The following PLB1 variants were observed in gnomAD, a reference collection of about 807,000 sequenced individuals.
PLB1 encodes the protein phospholipase B1, membrane-associated.
In PLB1, 242 loss-of-function variants were observed where a neutral mutation model predicts 227.4. The ratio of observed to expected loss-of-function variants is 1.06; its 90% CI spans 0.96 to 1.18. PLB1 has a LOEUF of 1.18. Ranked by LOEUF, PLB1 falls within the 50% of genes most tolerant of loss-of-function variation. The pLI, the probability that PLB1 is intolerant of heterozygous loss-of-function variation, is 0.00. For missense variants in PLB1, 1,858 were observed against 1,816.3 expected, an observed-to-expected ratio of 1.02 and a Z score of -0.42; for synonymous variants, 757 against 682.2, an observed-to-expected ratio of 1.11 and a Z score of -1.71.
At position 28,632,964 on chromosome 2, in the gene PLB1, C is replaced by G; in HGVS notation, c.4023C>G (p.Thr1341=). ...PLNERGDTDL[T]FFSEDCFHFS... The stretch of plus-strand genomic sequence containing the variant: ...TGCAGAGAGGGGACACTGACCTCAC[C>G]TTCTTCTCCGAGGACTGTTTTCACT... Residue 1341 remains threonine (T), a synonymous_variant, in exon 56 of 58, where the codon ACC becomes ACG. Transcript: ENST00000327757. The G allele has an allele frequency of 6.2e-7, 1 of 1,606,254 alleles. No homozygotes were observed. The highest frequency in any genetic ancestry group is 1.7e-5 in the Admixed American group (1 of 59,694).
At chr2:28,580,472 C>T (rs1195929957) in intron 23 of PLB1, among the ~76,000 whole-genome samples, 2 of 152,084 alleles carry the variant, frequency 1.3e-5, no homozygotes, top group Non-Finnish European at 2.9e-5. Flanking sequence ...CCCAGCACTT[C>T]GGGAGGCCGA....
intron 14 of PLB1, among the ~76,000 whole-genome samples, chr2:28,545,496 CA>C (rs1435398024): frequency 6.6e-6 from 1 of 152,166 alleles, no homozygotes; most frequent in Non-Finnish European, 1.5e-5. Context: ...GGGCACTGGA[CA>C]GGAGCCAGAA....
intron 43 of PLB1, among the ~76,000 whole-genome samples, chr2:28,608,977 G>A (rs1221700002): frequency 6.6e-6 from 1 of 152,002 alleles, no homozygotes; most frequent in Non-Finnish European, 1.5e-5. Context: ...GTGCAGTGGC[G>A]CAATCACAGC....
chr2:28,618,496 C>T (rs1686518478), intron 46 of PLB1, 97 bp downstream of exon 46: 1 of 1,306,814 alleles, frequency 7.7e-7, no homozygotes, highest in Non-Finnish European at 1.1e-6. Flanking sequence ...GCTTTCAGTG[C>T]TGAGCCCGTG....
At chr2:28,510,623 C>CTT (rs1558640256) in intron 1 of PLB1, among the ~76,000 whole-genome samples, 2 of 56,208 alleles carry the variant, frequency 3.6e-5, no homozygotes, top group African/African-American at 8.1e-5. Flanking sequence ...CTTTTTCTCT[C>CTT]TCTTTTTTTT....
intron 44 of PLB1, among the ~76,000 whole-genome samples, chr2:28,616,594 A>C (rs1686230045): frequency 6.6e-6 from 1 of 152,194 alleles, no homozygotes; most frequent in South Asian, 2.1e-4. Flanking sequence ...ATCTACATGG[A>C]ATATGCTTAT....
intron 56 of PLB1, among the ~76,000 whole-genome samples, chr2:28,640,455 A>G (rs1689840854): frequency 6.6e-6 from 1 of 152,222 alleles, no homozygotes; most frequent in Admixed American, 6.5e-5. Context: ...TGCAGTAATG[A>G]TGTCATGGTA....
chr2:28,616,032 C>T (rs765214592), intron 44 of PLB1, among the ~76,000 whole-genome samples: 1 of 152,086 alleles, frequency 6.6e-6, no homozygotes, highest in Non-Finnish European at 1.5e-5. Context: ...GTTGACTTCA[C>T]AGAAGTAGAG....
At chr2:28,637,312 A>AAT (rs1689482561) in intron 56 of PLB1, among the ~76,000 whole-genome samples, 1 of 151,654 alleles carries the variant, frequency 6.6e-6, no homozygotes, top group South Asian at 2.1e-4. Context: ...AAAAAAAAAA[A>AAT]AAAAAAGTTT....
intron 6 of PLB1, among the ~76,000 whole-genome samples, chr2:28,528,017 AGT>A (rs1036343369): frequency 2.0e-5 from 3 of 152,150 alleles, no homozygotes; most frequent in African/African-American, 7.2e-5. Context: ...CAGGTGGAAA[AGT>A]GTTTCTTTGC....
intron 37 of PLB1, among the ~76,000 whole-genome samples, chr2:28,601,549 G>T (rs1683906539): frequency 6.6e-6 from 1 of 151,870 alleles, no homozygotes; most frequent in African/African-American, 2.4e-5. Flanking sequence ...CCATGTCCTA[G>T]GTGGTGAGGT....
chr2:28,556,939 C>G (rs868538926), intron 17 of PLB1, among the ~76,000 whole-genome samples: 1 of 152,074 alleles, frequency 6.6e-6, no homozygotes, highest in Non-Finnish European at 1.5e-5. Flanking sequence ...TGAAAAATGG[C>G]CGGGTTACAG....
At chr2:28,532,237 G>A in intron 9 of PLB1, 43 bp downstream of exon 9, 1 of 1,524,572 alleles carries the variant, frequency 6.6e-7, no homozygotes, top group Non-Finnish European at 9.0e-7. Flanking sequence ...AGATGCTGGG[G>A]TGGAGAGGGA....
At chr2:28,549,868 G>A (rs1301882488) in intron 15 of PLB1, 142 bp from the exon 16 acceptor site, 2 of 605,878 alleles carry the variant, frequency 3.3e-6, no homozygotes, top group East Asian at 6.0e-5. Flanking sequence ...AGAGAGAAGA[G>A]CCAGAGAATG....
chr2:28,640,913 T>C lies in PLB1; in HGVS notation c.4099-14T>C. 2.5e-6 allele frequency: 4 copies of C among 1,611,452 alleles called. No individual in the cohort carries two copies. Among genetic ancestry groups the C allele is most frequent in the Middle Eastern group, 1.7e-4 (1 of 6,056 alleles). On this transcript the variant is annotated splice_polypyrimidine_tract_variant and intron_variant, in intron 56 of 57. Coordinates refer to ENST00000327757, the MANE Select transcript of PLB1 (RefSeq NM_153021.5). ...GCTTTGGAGAGAATCGAGGTGTCCT[T>C]TCTCTCTCTCCAGCTGGAACCAGTG...
chr2:28,625,119 GC>G lies in PLB1; in HGVS notation c.3579+16del. The G allele has an allele frequency of 6.2e-7, 1 of 1,610,128 alleles. No homozygotes were observed. The highest frequency in any genetic ancestry group is 8.5e-7 in the Non-Finnish European group (1 of 1,177,748). Reference sequence around the variant, plus strand: ...ATGAAAAACAGCCCCGTGAGTACAGGCCCCCAGGCCACCCCTGAAAGGTGCC... The same window carrying G: ...ATGAAAAACAGCCCCGTGAGTACAGGCCCCAGGCCACCCCTGAAAGGTGCC... On this transcript the variant is annotated intron_variant, in intron 50 of 57. Coordinates refer to ENST00000327757, the MANE Select transcript of PLB1 (RefSeq NM_153021.5).
At chr2:28,604,353 C>G (rs1416061088) in intron 40 of PLB1, among the ~76,000 whole-genome samples, 1 of 152,240 alleles carries the variant, frequency 6.6e-6, no homozygotes, top group Non-Finnish European at 1.5e-5. Context: ...CTCCCCCACT[C>G]CCACTCCAAA....
intron 21 of PLB1, among the ~76,000 whole-genome samples, chr2:28,574,084 A>C (rs1678477074): frequency 6.6e-6 from 1 of 152,198 alleles, no homozygotes; most frequent in Non-Finnish European, 1.5e-5. Context: ...CAGGGCCTTG[A>C]GTGCTGCTTG....
intron 1 of PLB1, among the ~76,000 whole-genome samples, chr2:28,501,692 T>C (rs1667120173): frequency 1.3e-5 from 2 of 152,202 alleles, no homozygotes; most frequent in Admixed American, 1.3e-4. Context: ...AGAAAATATA[T>C]TCTTATTTTC....
Sources: gnomAD v4.1 joint callset for allele counts (sites outside exome capture counted in the v4.1 genomes callset) on GRCh38, gnomAD v4.1.1 for gene constraint, MANE v1.5 for transcripts, NCBI Gene and HGNC (gene_info 2026-07-23, HGNC 2026-07-21) for gene names.